FAR2: variants seen among roughly 807,000 people sequenced by gnomAD.
FAR2 encodes the protein epididymis secretory protein Li 81.
A neutral mutation model predicts 56.0 loss-of-function variants in FAR2; 19 were observed. The observed-to-expected ratio is 0.34, with a 90% CI of 0.24 to 0.50. The LOEUF (loss-of-function observed/expected upper bound fraction) is 0.50. FAR2 is among the 20% of genes least tolerant of loss of function. FAR2 has a pLI of 0.98. For synonymous variants in FAR2, 219 were observed against 218.8 expected (o/e 1.00, Z -0.01); for missense variants, 508 against 642.2 (o/e 0.79, Z 2.26).
chr12:29,326,129 T>C (rs1171517228), intron 10 of FAR2, among the ~76,000 whole-genome samples: 15 of 147,942 alleles, frequency 1.0e-4, no homozygotes, highest in East Asian at 4.1e-4. Context: ...AACACCTCTA[T>C]GCAAATAAAC....
chr12:29,206,187 A>G (rs1947476617), intron 1 of FAR2, among the ~76,000 whole-genome samples: 1 of 152,222 alleles, frequency 6.6e-6, no homozygotes. Flanking sequence ...GAATTGAACC[A>G]AGCAGCTTGT....
At chr12:29,247,851 A>G (rs939225674) in intron 1 of FAR2, among the ~76,000 whole-genome samples, 155 of 152,376 alleles carry the variant, frequency 1.0e-3, no homozygotes, top group African/African-American at 3.6e-3. Context: ...AAGTTTATTA[A>G]TCGTTGGTAT....
intron 1 of FAR2, among the ~76,000 whole-genome samples, chr12:29,205,215 T>A (rs1947465678): frequency 6.6e-6 from 1 of 152,214 alleles, no homozygotes; most frequent in Non-Finnish European, 1.5e-5. Flanking sequence ...TTATGCATTT[T>A]ACTGTGTCCA....
chr12:29,309,094 T>A (rs1949303930), intron 5 of FAR2, 92 bp from the exon 6 acceptor site: 2 of 876,474 alleles, frequency 2.3e-6, no homozygotes, highest in Non-Finnish European at 3.8e-6. Flanking sequence ...TCAGTGCTCT[T>A]GTTTGAAATT....
chr12:29,325,209 A>C (rs1413939659), intron 10 of FAR2, among the ~76,000 whole-genome samples: 3 of 152,226 alleles, frequency 2.0e-5, no homozygotes, highest in Admixed American at 6.5e-5. Flanking sequence ...ACTATCCTAA[A>C]TATATATGCA....
rs534523780 is a variant in FAR2 at position 29,180,953 on chromosome 12, T to A, written c.-39+31546T>A. On this transcript the variant is annotated intron_variant, in intron 1 of 11. Transcript: ENST00000536681. ...TTACATTTTTGGTGTGGTAGGAGGA[T>A]GGCAGCTTCTTTTTTTATCTTTTCC... is the stretch of plus-strand genomic sequence containing the variant. Among the ~76,000 whole-genome samples, 126 of 152,266 alleles carry A rather than the reference T, an allele frequency of 8.3e-4. 1 individual carries two copies. The highest frequency in any genetic ancestry group is 2.9e-3 in the African/African-American group (119 of 41,566).
chr12:29,212,409 T>C, intron 1 of FAR2, among the ~76,000 whole-genome samples: 1 of 152,204 alleles, frequency 6.6e-6, no homozygotes, highest in East Asian at 1.9e-4. Context: ...TGGTTTCACT[T>C]TTACTGCTCT....
At chr12:29,292,872 G>A (rs1948994207) in intron 2 of FAR2, among the ~76,000 whole-genome samples, 2 of 152,066 alleles carry the variant, frequency 1.3e-5, no homozygotes, top group Admixed American at 1.3e-4. Context: ...GGATTGATAA[G>A]GTTGATAAAG....
At chr12:29,316,305 C>G (rs1949449870) in intron 8 of FAR2, among the ~76,000 whole-genome samples, 1 of 151,978 alleles carries the variant, frequency 6.6e-6, no homozygotes, top group Non-Finnish European at 1.5e-5. Context: ...ACTCTGGATA[C>G]CAGAGTGGAC....
chr12:29,241,609 A>G (rs370039711), intron 1 of FAR2, among the ~76,000 whole-genome samples: 3 of 152,230 alleles, frequency 2.0e-5, no homozygotes, highest in East Asian at 3.9e-4. Flanking sequence ...CAACCTGACA[A>G]TGTTCTCAAT....
chr12:29,285,093 T>G (rs1038747825), intron 2 of FAR2, among the ~76,000 whole-genome samples: 5 of 152,012 alleles, frequency 3.3e-5, no homozygotes, highest in African/African-American at 7.3e-5. Context: ...TGCCTGCCTC[T>G]GCCTCCCAAA....
At position 29,332,739 on chromosome 12, in the gene FAR2, C is replaced by T; in HGVS notation, c.1385+12C>T. The T allele has an allele frequency of 6.2e-7, 1 of 1,609,298 alleles. No homozygotes were observed. Among genetic ancestry groups the T allele is most frequent in the Non-Finnish European group, 8.5e-7 (1 of 1,177,514 alleles). On this transcript the variant is annotated intron_variant, in intron 11 of 11. Coordinates refer to ENST00000536681, the MANE Select transcript of FAR2 (RefSeq NM_001271783.2). ...CAACGCTTAAAAAGGTAAGTATAATCAGTCAGTTAATATTTATTGAGCACC... is the reference window on the plus strand; with the variant it reads ...CAACGCTTAAAAAGGTAAGTATAATTAGTCAGTTAATATTTATTGAGCACC...
chr12:29,260,229 T>C (rs1047924645), intron 1 of FAR2, among the ~76,000 whole-genome samples: 17 of 152,202 alleles, frequency 1.1e-4, no homozygotes, highest in African/African-American at 3.4e-4. Flanking sequence ...CAACTTGATA[T>C]ATAGGCTTTT....
Position 29,190,654 on chromosome 12 carries a change from G to A in FAR2, c.-39+41247G>A, listed in dbSNP as rs1014986578. On this transcript the variant is annotated intron_variant, in intron 1 of 11. Coordinates refer to ENST00000536681, the MANE Select transcript of FAR2 (RefSeq NM_001271783.2). ...TAATTTTTTGTAGTTTAGTAGAGAC[G>A]GGTTTTCACTGTGTTAGCCAGGATG... Among the ~76,000 whole-genome samples, 7 of 151,974 alleles carry A rather than the reference G, an allele frequency of 4.6e-5. 1 individual carries two copies. The highest frequency in any genetic ancestry group is 6.6e-5 in the Admixed American group (1 of 15,256).
chr12:29,183,499 C>A (rs1950011127), intron 1 of FAR2, among the ~76,000 whole-genome samples: 2 of 152,150 alleles, frequency 1.3e-5, no homozygotes, highest in South Asian at 4.1e-4. Flanking sequence ...GTCTTCCTGG[C>A]CTATATGAAT....
At chr12:29,178,010 G>T (rs549180887) in intron 1 of FAR2, among the ~76,000 whole-genome samples, 7 of 152,236 alleles carry the variant, frequency 4.6e-5, no homozygotes, top group Admixed American at 3.9e-4. Context: ...GATAGTCTAT[G>T]CTGTGCCTCT....
At chr12:29,257,854 A>G (rs968971926) in intron 1 of FAR2, among the ~76,000 whole-genome samples, 1 of 152,204 alleles carries the variant, frequency 6.6e-6, no homozygotes, top group Admixed American at 6.5e-5. Context: ...TCATTCTTGA[A>G]GTCAGTGAGA....
At chr12:29,301,657 T>C (rs1360789702) in intron 4 of FAR2, 1 of 152,202 alleles carries the variant, frequency 6.6e-6, no homozygotes, top group Non-Finnish European at 1.5e-5. Flanking sequence ...ATTGCTCTAT[T>C]GAGCATATGT....
intron 1 of FAR2, among the ~76,000 whole-genome samples, chr12:29,219,797 C>T (rs766665212): frequency 6.6e-6 from 1 of 152,212 alleles, no homozygotes; most frequent in South Asian, 2.1e-4. Flanking sequence ...GTGATATCAT[C>T]GTTTTCCTTT....
Sources: gnomAD v4.1 joint callset for allele counts (sites outside exome capture counted in the v4.1 genomes callset) on GRCh38, gnomAD v4.1.1 for gene constraint, MANE v1.5 for transcripts, NCBI Gene and HGNC (gene_info 2026-07-23, HGNC 2026-07-21) for gene names.